ABCC6: variants seen among roughly 807,000 people sequenced by gnomAD.
The protein encoded by ABCC6 is ATP-binding cassette sub-family C member 6.
In ABCC6, 126 loss-of-function variants were observed where a neutral mutation model predicts 169.5. That is an observed-to-expected ratio of 0.74 (90% CI 0.64 to 0.86). The LOEUF (loss-of-function observed/expected upper bound fraction) is 0.86, where lower values mean the gene tolerates loss of function less well. Among genes scored for constraint, ABCC6 ranks in the 40% least tolerant of loss-of-function variants. The pLI is 0.00. For synonymous variants in ABCC6, 752 were observed against 814.7 expected, an observed-to-expected ratio of 0.92 and a Z score of 1.31; for missense variants, 1,733 against 1,927.2, an observed-to-expected ratio of 0.90 and a Z score of 1.89.
chr16:16,219,107 G>A (rs1437258419), intron 4 of ABCC6, among the ~76,000 whole-genome samples: 22 of 142,328 alleles, frequency 1.5e-4, no homozygotes, highest in South Asian at 4.6e-4. Flanking sequence ...CCCAGATTGG[G>A]CAACAGAAAT....
At chr16:16,183,074 G>A (rs1374749278) in intron 15 of ABCC6, 144 bp from the exon 16 acceptor site, 19 of 1,300,664 alleles carry the variant, frequency 1.5e-5, no homozygotes, top group East Asian at 2.3e-5. Flanking sequence ...CCCAGTCCTT[G>A]TCTAGCTATT....
intron 17 of ABCC6, among the ~76,000 whole-genome samples, chr16:16,181,340 C>G (rs1192324075): frequency 3.7e-5 from 3 of 81,838 alleles, no homozygotes. Flanking sequence ...GAGACTCCGT[C>G]TCAGAAAAAA....
chr16:16,197,482 A>G (rs928215984), intron 10 of ABCC6, among the ~76,000 whole-genome samples: 3 of 150,486 alleles, frequency 2.0e-5, no homozygotes, highest in African/African-American at 7.4e-5. Flanking sequence ...GAAGAGAAGG[A>G]GAGGGAAGAG....
intron 29 of ABCC6, among the ~76,000 whole-genome samples, chr16:16,152,279 G>A (rs1234777878): frequency 6.6e-6 from 1 of 151,734 alleles, no homozygotes. Context: ...GAGGGTGGAG[G>A]AGTTGAGATT....
At position 16,165,592 on chromosome 16, in the gene ABCC6, G is replaced by A. The variant is rs372386406; in HGVS notation, c.3306+31C>T. On this transcript the variant is annotated intron_variant, in intron 23 of 30. Coordinates refer to ENST00000205557, the MANE Select transcript of ABCC6 (RefSeq NM_001171.6). ...GGGACTGGCTGAGTTGACCTCAGCCGGTCCCGGAAGCCTCCCTGACCTCTC... is the reference window on the plus strand; with the variant it reads ...GGGACTGGCTGAGTTGACCTCAGCCAGTCCCGGAAGCCTCCCTGACCTCTC... 1.9e-4 allele frequency: 304 copies of A among 1,611,544 alleles called. 2 individuals are homozygous for A. Among genetic ancestry groups the A allele is most frequent in the Non-Finnish European group, 2.4e-4 (288 of 1,178,978 alleles).
At chr16:16,211,668 C>T (rs1000901308) in intron 6 of ABCC6, among the ~76,000 whole-genome samples, 1 of 152,178 alleles carries the variant, frequency 6.6e-6, no homozygotes, top group Non-Finnish European at 1.5e-5. Context: ...GAGAGCACAT[C>T]CTCAAGTGCC....
chr16:16,187,896 CAATA>C lies in ABCC6; in HGVS notation c.1780-689_1780-686del, dbSNP rs1156988963. On this transcript the variant is annotated intron_variant, in intron 13 of 30. Coordinates refer to ENST00000205557, the MANE Select transcript of ABCC6 (RefSeq NM_001171.6). ...TGGGTGACAGAGTGAGACACTGTCT[CAATA>C]AATAAATTAAATAAATAAATAAATA... Among the ~76,000 whole-genome samples the C allele has an allele frequency of 4.4e-3, 472 of 107,940 alleles. 1 individual carries two copies. The highest frequency in any genetic ancestry group is 6.8e-3 in the Non-Finnish European group (323 of 47,748). 70.8% of individuals were successfully genotyped at this position (107,940 alleles called of 152,430 possible). A position where few individuals can be genotyped will look rare whatever the true frequency, so the allele number is the denominator to read the frequency against.
intron 27 of ABCC6, among the ~76,000 whole-genome samples, chr16:16,156,681 G>A (rs572235071): frequency 6.6e-6 from 1 of 152,036 alleles, no homozygotes; most frequent in East Asian, 1.9e-4. Flanking sequence ...GGCATGGTGG[G>A]TCATGCCTGT....
At chr16:16,173,479 C>A in intron 20 of ABCC6, 75 bp from the exon 21 acceptor site, 3 of 1,541,166 alleles carry the variant, frequency 1.9e-6, no homozygotes, top group Non-Finnish European at 2.7e-6. Context: ...ACCCTCAGGC[C>A]CACTGACAGC....
intron 25 of ABCC6, among the ~76,000 whole-genome samples, chr16:16,159,994 T>G (rs2046665239): frequency 6.6e-6 from 1 of 151,974 alleles, no homozygotes. Context: ...TCCAAGCTCC[T>G]CCCTATGAGC....
rs201880691 is a variant in ABCC6 at position 16,198,076 on chromosome 16, T to C, written c.1283A>G (p.Asn428Ser). 203 of 1,614,036 alleles carry C rather than the reference T, an allele frequency of 1.3e-4. 1 individual carries two copies. The East Asian group carries it at 4.2e-3, about 33-fold the overall frequency. The change falls in exon 10 of 31, where the codon AAC becomes AGC. Residue 428 changes from asparagine (N) to serine (S), a missense_variant. By Grantham distance (46) the Asn-to-Ser change is conservative. Transcript: ENST00000205557. ...QRLTESVLYL[N>S]GLWLPLVWIV... ...CCAGACGAGAGGCAGCCACAGCCCGTTGAGGTAGAGGACGCTCTCGGTCAG... is the reference window on the plus strand; with the variant it reads ...CCAGACGAGAGGCAGCCACAGCCCGCTGAGGTAGAGGACGCTCTCGGTCAG...
Position 16,165,662 on chromosome 16 carries a change from CACAGTGGCCAGTGGGGT to C in ABCC6, c.3250_3266del (p.Thr1084GlyfsTer19). ...AGAGGAGAAACAGTGGCAGGATGGCCACAGTGGCCAGTGGGGTAGCCACTGCCACCACCAGGCTGACC... is the reference window on the plus strand; with the variant it reads ...AGAGGAGAAACAGTGGCAGGATGGCCAGCCACTGCCACCACCAGGCTGACC... On this transcript the variant is annotated frameshift_variant, in exon 23 of 31. Transcript: ENST00000205557. LOFTEE classifies it high-confidence loss of function. 1 of 1,612,528 alleles carries C rather than the reference CACAGTGGCCAGTGGGGT, an allele frequency of 6.2e-7. No individual in the cohort carries two copies. Among genetic ancestry groups the C allele is most frequent in the South Asian group, 1.1e-5 (1 of 91,082 alleles).
chr16:16,212,365 G>A, intron 5 of ABCC6, 119 bp from the exon 6 acceptor site: 1 of 767,520 alleles, frequency 1.3e-6, no homozygotes, highest in Non-Finnish European at 2.3e-6. Context: ...CCAGAGTACA[G>A]CGGTGTGATC....
chr16:16,165,789 CGGTTTAGCA>C lies in ABCC6; in HGVS notation c.3131_3139del (p.Leu1044_Asn1046del). 6.2e-7 allele frequency: 1 copy of C among 1,613,714 alleles called. No homozygotes were observed. Among genetic ancestry groups the C allele is most frequent in the Non-Finnish European group, 8.5e-7 (1 of 1,180,030 alleles). On this transcript the variant is annotated inframe_deletion, in exon 23 of 31. Transcript: ENST00000205557. ...AACCGTGTCTGTCTCCTTGGAGAAG[CGGTTTAGCA>C]GGTGACCAATGGGTGTCCGCTCAAA...
rs374490625 is a variant in ABCC6 at position 16,177,606 on chromosome 16, G to T, written c.2436C>A (p.His812Gln). The T allele has an allele frequency of 1.2e-6, 2 of 1,614,060 alleles. No homozygotes were observed. The highest frequency in any genetic ancestry group is 1.7e-6 in the Non-Finnish European group (2 of 1,180,046). Reference sequence around the variant, plus strand: ...CAGCCTGGGGCAGGATGTGGAGTGCGTGCGTCACGAGAATCCGTGTCTGGG... The same window carrying T: ...CAGCCTGGGGCAGGATGTGGAGTGCTTGCGTCACGAGAATCCGTGTCTGGG... ...LQGTTRILVT[H>Q]ALHILPQADW... is the part of the protein sequence containing the mutation. The change falls in exon 19 of 31, where the codon CAC (histidine) becomes CAA (glutamine). Residue 812 changes from histidine (H) to glutamine (Q), a missense_variant. Around this residue, in one of 5 missense-constraint regions of ABCC6, gnomAD observed 1,601 missense variants for 1,635.5 expected, o/e 0.98. Coordinates refer to ENST00000205557, the MANE Select transcript of ABCC6 (RefSeq NM_001171.6).
chr16:16,201,079 G>A (rs886566929), intron 9 of ABCC6, among the ~76,000 whole-genome samples: 5 of 152,126 alleles, frequency 3.3e-5, no homozygotes, highest in African/African-American at 1.2e-4. Context: ...CGATTCTCCT[G>A]TGTCAGCTTC....
intron 10 of ABCC6, among the ~76,000 whole-genome samples, chr16:16,197,135 TC>T (rs1485092497): frequency 1.3e-5 from 2 of 152,332 alleles, no homozygotes. Context: ...TAGCAATTTT[TC>T]CCCCTAAAAT....
chr16:16,213,254 A>T (rs4238624), intron 5 of ABCC6, among the ~76,000 whole-genome samples: 5 of 151,894 alleles, frequency 3.3e-5, no homozygotes, highest in South Asian at 2.1e-4. Context: ...CCACCACACT[A>T]GGCTATTTTT....
chr16:16,219,059 CAAAAAAAAAAAAAA>C (rs545447445), intron 4 of ABCC6, among the ~76,000 whole-genome samples: 1,403 of 9,600 alleles, frequency 0.15, 13 homozygotes, highest in Non-Finnish European at 0.17. Context: ...GCAAGCCTCT[CAAAAAAAAAAAAAA>C]AAAAAAAAAA....
Sources: gnomAD v4.1 joint callset for allele counts (sites outside exome capture counted in the v4.1 genomes callset) on GRCh38, gnomAD v4.1.1 for gene constraint, gnomAD v4.1.1 regional missense constraint, MANE v1.5 for transcripts, NCBI Gene and HGNC (gene_info 2026-07-23, HGNC 2026-07-21) for gene names.